The following DCLK1 variants were observed in gnomAD, a reference collection of about 807,000 sequenced individuals.
The protein encoded by DCLK1 is serine/threonine-protein kinase DCLK1.
A neutral mutation model predicts 86.2 loss-of-function variants in DCLK1; 16 were observed. The observed-to-expected ratio is 0.19, with a 90% CI of 0.13 to 0.28. The LOEUF (loss-of-function observed/expected upper bound fraction) is 0.28, where lower values mean the gene tolerates loss of function less well. Ranked by LOEUF, DCLK1 falls within the 10% of genes least tolerant of loss-of-function variation. DCLK1 has a pLI of 1.00. For missense variants in DCLK1, 590 were observed against 940.2 expected (o/e 0.63, Z 4.87); for synonymous variants, 369 against 370.5 (o/e 1.00, Z 0.05).
intron 3 of DCLK1, among the ~76,000 whole-genome samples, chr13:36,110,402 C>T (rs2138186589): frequency 6.6e-6 from 1 of 152,176 alleles, no homozygotes; most frequent in South Asian, 2.1e-4. Context: ...TTACTTAGGG[C>T]AAGGGTTATA....
intron 3 of DCLK1, among the ~76,000 whole-genome samples, chr13:36,064,435 C>T (rs1012724550): frequency 1.3e-5 from 2 of 152,004 alleles, no homozygotes; most frequent in Non-Finnish European, 2.9e-5. Flanking sequence ...CTGAGGTTGG[C>T]GGATCACGAG....
intron 3 of DCLK1, among the ~76,000 whole-genome samples, chr13:36,000,071 T>A (rs1880645440): frequency 6.6e-6 from 1 of 152,140 alleles, no homozygotes; most frequent in Non-Finnish European, 1.5e-5. Context: ...TTTCCCCCAC[T>A]TCACCCCTAA....
At chr13:36,045,377 T>TCTATCTATATATCTATATATAC (rs568110221) in intron 3 of DCLK1, among the ~76,000 whole-genome samples, 1 of 125,080 alleles carries the variant, frequency 8.0e-6, no homozygotes, top group East Asian at 2.6e-4. Context: ...TATATATATA[T>TCTATCTATATATCTATATATAC]TTCAAGGTAA....
intron 4 of DCLK1, among the ~76,000 whole-genome samples, chr13:35,889,372 A>T (rs1421125469): frequency 1.3e-5 from 2 of 152,178 alleles, no homozygotes; most frequent in Non-Finnish European, 2.9e-5. Context: ...GTGCAAAAAT[A>T]TTAAAAGAAG....
chr13:36,035,361 C>T (rs889134162), intron 3 of DCLK1, among the ~76,000 whole-genome samples: 3 of 152,184 alleles, frequency 2.0e-5, no homozygotes, highest in South Asian at 2.1e-4. Context: ...AAACCTATGT[C>T]TTACTACCCA....
chr13:36,100,276 G>A (rs1360000468), intron 3 of DCLK1, among the ~76,000 whole-genome samples: 1 of 151,648 alleles, frequency 6.6e-6, no homozygotes, highest in Non-Finnish European at 1.5e-5. Flanking sequence ...CTACTTGGGA[G>A]GCTGTGGTCA....
At chr13:35,810,367 T>C (rs2087117531) in intron 12 of DCLK1, among the ~76,000 whole-genome samples, 1 of 152,170 alleles carries the variant, frequency 6.6e-6, no homozygotes, top group Non-Finnish European at 1.5e-5. Flanking sequence ...TGGTCCCTGA[T>C]GCCTAAGGGT....
chr13:35,907,888 A>G (rs1317132400), intron 4 of DCLK1, among the ~76,000 whole-genome samples: 1 of 151,728 alleles, frequency 6.6e-6, no homozygotes, highest in Non-Finnish European at 1.5e-5. Flanking sequence ...GAGTATAACA[A>G]TTTACAAGTA....
chr13:36,017,394 C>T (rs1440517022), intron 3 of DCLK1, among the ~76,000 whole-genome samples: 2 of 152,162 alleles, frequency 1.3e-5, no homozygotes, highest in African/African-American at 2.4e-5. Flanking sequence ...TGGGAAAGTC[C>T]ATAACCTTTG....
At chr13:35,778,264 G>C (rs1003218496) in intron 16 of DCLK1, among the ~76,000 whole-genome samples, 1 of 152,136 alleles carries the variant, frequency 6.6e-6, no homozygotes, top group Non-Finnish European at 1.5e-5. Flanking sequence ...CCAATTCCTT[G>C]TCCCAGCCTT....
intron 3 of DCLK1, among the ~76,000 whole-genome samples, chr13:36,017,512 ATGT>A (rs1216314332): frequency 6.6e-6 from 1 of 152,228 alleles, no homozygotes; most frequent in Non-Finnish European, 1.5e-5. Context: ...TCGATAGCTA[ATGT>A]TGTAGTGAGT....
chr13:35,786,651 T>C (rs1015175266), intron 16 of DCLK1, among the ~76,000 whole-genome samples: 11 of 152,290 alleles, frequency 7.2e-5, no homozygotes, highest in Non-Finnish European at 1.0e-4. Context: ...TGGAAGTATA[T>C]ATTCTTTCAG....
intron 4 of DCLK1, among the ~76,000 whole-genome samples, chr13:35,937,721 A>G (rs766341195): frequency 3.3e-5 from 5 of 152,102 alleles, no homozygotes; most frequent in Non-Finnish European, 5.9e-5. Flanking sequence ...GGGGAAGACA[A>G]TTTTTCTAAA....
intron 3 of DCLK1, among the ~76,000 whole-genome samples, chr13:35,974,147 G>A (rs1052219483): frequency 2.6e-5 from 4 of 152,174 alleles, no homozygotes; most frequent in Non-Finnish European, 4.4e-5. Flanking sequence ...ACTAACATTC[G>A]TTGAGCATTT....
At chr13:35,957,297 T>C (rs968950382) in intron 3 of DCLK1, among the ~76,000 whole-genome samples, 1 of 152,178 alleles carries the variant, frequency 6.6e-6, no homozygotes, top group Non-Finnish European at 1.5e-5. Flanking sequence ...CATCCTCAGA[T>C]AGAGTCAGGA....
chr13:35,828,671 C>A (rs931400834), intron 8 of DCLK1, among the ~76,000 whole-genome samples: 2 of 133,478 alleles, frequency 1.5e-5, no homozygotes, highest in Admixed American at 7.2e-5. Context: ...TCCACTCCTG[C>A]TCTCAAAACA....
chr13:35,791,148 T>C (rs2086701340), intron 16 of DCLK1, among the ~76,000 whole-genome samples: 1 of 152,192 alleles, frequency 6.6e-6, no homozygotes, highest in Admixed American at 6.6e-5. Flanking sequence ...ATATTCTCTT[T>C]TATGCTTGAA....
chr13:35,820,785 T>C (rs1438992833), intron 11 of DCLK1, among the ~76,000 whole-genome samples: 2 of 152,170 alleles, frequency 1.3e-5, no homozygotes, highest in East Asian at 3.8e-4. Flanking sequence ...AGAATATGTT[T>C]AGGCTACTGT....
intron 3 of DCLK1, among the ~76,000 whole-genome samples, chr13:36,011,541 GTGAGATTCTTAATCC>G (rs1566644683): frequency 6.9e-6 from 1 of 144,950 alleles, no homozygotes; most frequent in African/African-American, 2.6e-5. Flanking sequence ...GCGGCTTTGA[GTGAGATTCTTAATCC>G]TGAGTTCTAG....
Sources: gnomAD v4.1 joint callset for allele counts (sites outside exome capture counted in the v4.1 genomes callset) on GRCh38, gnomAD v4.1.1 for gene constraint, MANE v1.5 for transcripts, NCBI Gene and HGNC (gene_info 2026-07-23, HGNC 2026-07-21) for gene names.